CHCHD6: variants seen among roughly 807,000 people sequenced by gnomAD.
CHCHD6 encodes the protein MICOS complex subunit MIC25.
Under a neutral mutation model 32.3 loss-of-function variants are expected in CHCHD6, and 28 were observed. That is an observed-to-expected ratio of 0.87 (90% CI 0.64 to 1.19). CHCHD6 has a LOEUF of 1.19. Among genes scored for constraint, CHCHD6 ranks in the 50% most tolerant of loss-of-function variants. The pLI is 0.00. For missense variants in CHCHD6, 333 were observed against 307.0 expected (o/e 1.08, Z -0.63); for synonymous variants, 122 against 117.5 (o/e 1.04, Z -0.25).
At chr3:126,754,785 T>A (rs1221416835) in intron 4 of CHCHD6, among the ~76,000 whole-genome samples, 1 of 152,236 alleles carries the variant, frequency 6.6e-6, no homozygotes, top group East Asian at 1.9e-4. Context: ...TGCCACCTTT[T>A]CTAGCAGGAC....
chr3:126,726,649 C>T (rs1425032200), intron 1 of CHCHD6, among the ~76,000 whole-genome samples: 1 of 152,140 alleles, frequency 6.6e-6, no homozygotes, highest in Admixed American at 6.6e-5. Context: ...AGCAGCCTTC[C>T]CTGGAGAAGG....
At chr3:126,847,700 A>G (rs758410991) in intron 4 of CHCHD6, among the ~76,000 whole-genome samples, 3 of 151,950 alleles carry the variant, frequency 2.0e-5, no homozygotes, top group Non-Finnish European at 2.9e-5. Context: ...ACTTATTTCT[A>G]TAATTTTATT....
chr3:126,837,644 T>C (rs1374118067), intron 4 of CHCHD6, among the ~76,000 whole-genome samples: 3 of 152,234 alleles, frequency 2.0e-5, no homozygotes, highest in Non-Finnish European at 4.4e-5. Context: ...ACTTAAGGAA[T>C]TATTTACTGA....
At chr3:126,958,618 G>T (rs57693338) in intron 7 of CHCHD6, among the ~76,000 whole-genome samples, 3,427 of 152,284 alleles carry the variant, frequency 0.023, 133 homozygotes, top group African/African-American at 0.077. Flanking sequence ...ACTCTTTGCT[G>T]GTCACAGCCC....
intron 4 of CHCHD6, among the ~76,000 whole-genome samples, chr3:126,759,843 T>G (rs900737767): frequency 2.6e-5 from 4 of 152,216 alleles, no homozygotes; most frequent in African/African-American, 7.2e-5. Context: ...CTGGGTAGTT[T>G]ATAAAGAAGA....
At chr3:126,802,660 G>A (rs564104084) in intron 4 of CHCHD6, among the ~76,000 whole-genome samples, 346 of 152,278 alleles carry the variant, frequency 2.3e-3, no homozygotes, top group African/African-American at 6.8e-3. Flanking sequence ...ATCCAGGAGA[G>A]CTTCCCCAAT....
At chr3:126,915,842 G>A (rs2078161042) in intron 6 of CHCHD6, among the ~76,000 whole-genome samples, 1 of 152,184 alleles carries the variant, frequency 6.6e-6, no homozygotes, top group Non-Finnish European at 1.5e-5. Context: ...CCCAGCTGGA[G>A]TGTAGTGGCA....
rs188317026 is a variant in CHCHD6 at position 126,868,886 on chromosome 3, C to T, written c.495+16156C>T. Among the ~76,000 whole-genome samples, 230 of 152,314 alleles carry T rather than the reference C, an allele frequency of 1.5e-3. 3 individuals are homozygous for T. The highest frequency in any genetic ancestry group is 0.014 in the Admixed American group (216 of 15,296). On this transcript the variant is annotated intron_variant, in intron 5 of 7. Coordinates refer to ENST00000290913, the MANE Select transcript of CHCHD6 (RefSeq NM_032343.3). ...TGTGGTTACTAGGCTGTAGACCCTGCACATCATAAGGCTTTTGGTTGCCAG... is the reference window on the plus strand; with the variant it reads ...TGTGGTTACTAGGCTGTAGACCCTGTACATCATAAGGCTTTTGGTTGCCAG...
At chr3:126,749,787 G>A (rs1037610256) in intron 4 of CHCHD6, among the ~76,000 whole-genome samples, 1 of 152,156 alleles carries the variant, frequency 6.6e-6, no homozygotes, top group African/African-American at 2.4e-5. Context: ...ATCATTTCTG[G>A]ACATACCCTG....
intron 3 of CHCHD6, among the ~76,000 whole-genome samples, chr3:126,732,211 A>T (rs1935840195): frequency 6.6e-6 from 1 of 152,188 alleles, no homozygotes; most frequent in South Asian, 2.1e-4. Flanking sequence ...ATACAAAGTG[A>T]AAAAATCACC....
At chr3:126,890,695 C>G (rs1408583114) in intron 5 of CHCHD6, among the ~76,000 whole-genome samples, 1 of 152,178 alleles carries the variant, frequency 6.6e-6, no homozygotes, top group Admixed American at 6.5e-5. Context: ...TCTAAGAACC[C>G]TACTAAAGCA....
intron 4 of CHCHD6, among the ~76,000 whole-genome samples, chr3:126,769,544 C>T (rs929478401): frequency 6.6e-6 from 1 of 152,114 alleles, no homozygotes; most frequent in Non-Finnish European, 1.5e-5. Context: ...CACTCTGTTG[C>T]CCACGCTAGA....
intron 5 of CHCHD6, among the ~76,000 whole-genome samples, chr3:126,897,580 T>G (rs1466511521): frequency 6.6e-6 from 1 of 152,194 alleles, no homozygotes; most frequent in East Asian, 1.9e-4. Context: ...GTTTAAATCT[T>G]TCCTCCACTA....
intron 3 of CHCHD6, among the ~76,000 whole-genome samples, chr3:126,732,630 G>A (rs544790669): frequency 1.3e-5 from 2 of 152,280 alleles, no homozygotes; most frequent in East Asian, 3.9e-4. Context: ...ATTCTCTATA[G>A]GATTATTTTA....
chr3:126,803,477 C>T (rs944480579), intron 4 of CHCHD6, among the ~76,000 whole-genome samples: 6 of 152,124 alleles, frequency 3.9e-5, no homozygotes, highest in African/African-American at 1.4e-4. Context: ...AAGGCCATTA[C>T]ATAGTGGTAA....
At chr3:126,864,160 T>C (rs1159787416) in intron 5 of CHCHD6, among the ~76,000 whole-genome samples, 5 of 116,048 alleles carry the variant, frequency 4.3e-5, no homozygotes, top group Non-Finnish European at 7.1e-5. Flanking sequence ...CATCACCTTC[T>C]CCACCATCAC....
intron 4 of CHCHD6, among the ~76,000 whole-genome samples, chr3:126,816,133 C>A (rs1002476494): frequency 6.6e-6 from 1 of 152,070 alleles, no homozygotes; most frequent in Non-Finnish European, 1.5e-5. Context: ...CTTCCTTCTA[C>A]GTGTCCATAC....
chr3:126,927,213 C>T (rs747120007), intron 6 of CHCHD6, among the ~76,000 whole-genome samples: 2 of 152,270 alleles, frequency 1.3e-5, no homozygotes, highest in South Asian at 2.1e-4. Flanking sequence ...AGCTGGCAAG[C>T]GCAGGGCAGC....
At chr3:126,757,382 C>G (rs897906235) in intron 4 of CHCHD6, among the ~76,000 whole-genome samples, 7 of 152,134 alleles carry the variant, frequency 4.6e-5, no homozygotes, top group Non-Finnish European at 7.4e-5. Flanking sequence ...CTTAACAACA[C>G]TAAAGCAGTG....
Sources: gnomAD v4.1 joint callset for allele counts (sites outside exome capture counted in the v4.1 genomes callset) on GRCh38, gnomAD v4.1.1 for gene constraint, MANE v1.5 for transcripts, NCBI Gene and HGNC (gene_info 2026-07-23, HGNC 2026-07-21) for gene names.